Variants in PAK2 observed in about 807,000 individuals in gnomAD.
The protein encoded by PAK2 is serine/threonine-protein kinase PAK 2.
PAK2 carries 21 observed loss-of-function variants against 65.9 expected under a neutral mutation model. The observed-to-expected ratio is 0.32, with a 90% CI of 0.23 to 0.46. The LOEUF is 0.46. Ranked by LOEUF, PAK2 falls within the 20% of genes least tolerant of loss-of-function variation. The pLI is 1.00. For synonymous variants in PAK2, 204 were observed against 219.7 expected (o/e 0.93, Z 0.63); for missense variants, 324 against 642.6 (o/e 0.50, Z 5.36).
intron 13 of PAK2, among the ~76,000 whole-genome samples, chr3:196,824,094 A>G (rs1365051928): frequency 6.6e-6 from 1 of 152,202 alleles, no homozygotes; most frequent in Non-Finnish European, 1.5e-5. Flanking sequence ...GCCAGGGCAC[A>G]TGGCTCTAAG....
At chr3:196,794,463 G>A (rs1038569682) in intron 2 of PAK2, among the ~76,000 whole-genome samples, 9 of 152,186 alleles carry the variant, frequency 5.9e-5, no homozygotes, top group Admixed American at 4.6e-4. Flanking sequence ...TGCAACACCC[G>A]TTCCCCCTGT....
Position 196,745,982 on chromosome 3 carries a change from CT to C in PAK2, c.-22+5837del, listed in dbSNP as rs747502229. ...CTTTTCTATGGTTACAATATTTAAC[CT>C]TTTTTTTTTTTCTTTTTCTTTCTTT... On this transcript the variant is annotated intron_variant, in intron 1 of 14. Transcript: ENST00000327134. 4.1e-3 allele frequency among the ~76,000 whole-genome samples: 593 copies of C among 145,174 alleles called. 2 individuals carry two copies. The highest frequency in any genetic ancestry group is 0.012 in the African/African-American group (471 of 39,716).
chr3:196,756,043 C>G (rs150826038), intron 1 of PAK2, among the ~76,000 whole-genome samples: 3 of 152,122 alleles, frequency 2.0e-5, no homozygotes, highest in Non-Finnish European at 2.9e-5. Context: ...TGTGAGCCAC[C>G]GCACCCGGCC....
chr3:196,823,563 AC>A (rs1293938539), intron 13 of PAK2, among the ~76,000 whole-genome samples: 66 of 151,672 alleles, frequency 4.4e-4, no homozygotes, highest in African/African-American at 1.6e-3. Context: ...AAACAAACAA[AC>A]AAACAAAAAA....
intron 1 of PAK2, among the ~76,000 whole-genome samples, chr3:196,766,443 G>A (rs1419719339): frequency 2.0e-5 from 3 of 152,106 alleles, no homozygotes; most frequent in African/African-American, 7.2e-5. Context: ...CAGAACCAGT[G>A]CCAATTTACA....
At chr3:196,823,688 C>T (rs930966727) in intron 13 of PAK2, among the ~76,000 whole-genome samples, 1 of 151,598 alleles carries the variant, frequency 6.6e-6, no homozygotes, top group African/African-American at 2.4e-5. Flanking sequence ...ATGATGAAAC[C>T]TCGTCTCTAC....
chr3:196,761,940 C>T (rs1489170843), intron 1 of PAK2, among the ~76,000 whole-genome samples: 3,687 of 135,858 alleles, frequency 0.027, 128 homozygotes, highest in African/African-American at 0.097. Flanking sequence ...ACTTCTCAGA[C>T]GGGGCAGCTG....
At chr3:196,783,494 A>G (rs1260451941) in intron 2 of PAK2, among the ~76,000 whole-genome samples, 3 of 151,696 alleles carry the variant, frequency 2.0e-5, no homozygotes, top group Non-Finnish European at 4.4e-5. Context: ...AGGCAGGAGA[A>G]TCACTTGAAT....
At position 196,832,128 on chromosome 3, in the gene PAK2, C is replaced by G. The variant is rs1324652478; in HGVS notation, c.*3723C>G. The G allele has an allele frequency of 2.0e-5, 3 of 152,210 alleles. No homozygotes were observed. Among genetic ancestry groups the G allele is most frequent in the African/African-American group, 7.2e-5 (3 of 41,456 alleles). 9.4% of individuals were successfully genotyped at this position (152,210 alleles called of 1,614,324 possible). A position where few individuals can be genotyped will look rare whatever the true frequency, so the allele number is the denominator to read the frequency against. Reference sequence around the variant, plus strand: ...GAACCGAAGTCTTTCCCATTCACTTCTCTAGAAAGCTGCCAAGACAGAGGC... The same window carrying G: ...GAACCGAAGTCTTTCCCATTCACTTGTCTAGAAAGCTGCCAAGACAGAGGC... On this transcript the variant is annotated 3_prime_UTR_variant, in exon 15 of 15. Coordinates refer to ENST00000327134, the MANE Select transcript of PAK2 (RefSeq NM_002577.4).
intron 8 of PAK2, among the ~76,000 whole-genome samples, chr3:196,811,586 G>T (rs1281155016): frequency 6.6e-6 from 1 of 150,984 alleles, no homozygotes; most frequent in Non-Finnish European, 1.5e-5. Context: ...TGCAGCACTG[G>T]TTTTATGAAA....
At chr3:196,797,276 C>A (rs1715286695) in intron 2 of PAK2, among the ~76,000 whole-genome samples, 1 of 151,996 alleles carries the variant, frequency 6.6e-6, no homozygotes, top group Non-Finnish European at 1.5e-5. Flanking sequence ...ACCGGCCTGG[C>A]CAACATGGTG....
chr3:196,747,588 C>CT (rs1400347809), intron 1 of PAK2, among the ~76,000 whole-genome samples: 2 of 152,008 alleles, frequency 1.3e-5, no homozygotes, highest in Non-Finnish European at 2.9e-5. Flanking sequence ...TTTCTTGTGA[C>CT]TTAAAACATA....
chr3:196,811,629 A>G (rs1203673915), intron 8 of PAK2, among the ~76,000 whole-genome samples: 2 of 151,860 alleles, frequency 1.3e-5, no homozygotes, highest in African/African-American at 4.8e-5. Context: ...ATTTTTGAGC[A>G]TGAATGAACA....
chr3:196,784,292 T>A (rs1449675837), intron 2 of PAK2, among the ~76,000 whole-genome samples: 6 of 133,644 alleles, frequency 4.5e-5, no homozygotes, highest in Non-Finnish European at 6.4e-5. Flanking sequence ...TAGTTACATA[T>A]GTATACATGT....
chr3:196,817,204 G>A (rs62409459), intron 11 of PAK2, among the ~76,000 whole-genome samples: 16,795 of 120,558 alleles, frequency 0.14, 1,252 homozygotes, highest in South Asian at 0.19. Context: ...TTGCTCTGTC[G>A]CCCAGGCTGG....
At chr3:196,759,234 C>T (rs1713864058) in intron 1 of PAK2, among the ~76,000 whole-genome samples, 1 of 152,144 alleles carries the variant, frequency 6.6e-6, no homozygotes, top group Non-Finnish European at 1.5e-5. Flanking sequence ...GATGCTTCCA[C>T]TCTTCAGATT....
At chr3:196,818,184 CATTT>C (rs1711529191) in intron 12 of PAK2, 28 bp downstream of exon 12, 1 of 837,782 alleles carries the variant, frequency 1.2e-6, no homozygotes, top group Non-Finnish European at 2.0e-6. Flanking sequence ...AATTCACAAT[CATTT>C]ATTATAATTT....
At chr3:196,756,445 T>C (rs139641739) in intron 1 of PAK2, among the ~76,000 whole-genome samples, 1,634 of 152,292 alleles carry the variant, frequency 0.011, 16 homozygotes, top group Non-Finnish European at 0.017. Flanking sequence ...GCTTAACTCA[T>C]TTCAGAGTAG....
At chr3:196,787,864 C>G (rs1714946484) in intron 2 of PAK2, among the ~76,000 whole-genome samples, 1 of 152,178 alleles carries the variant, frequency 6.6e-6, no homozygotes, top group Admixed American at 6.5e-5. Flanking sequence ...GTCACTGGGG[C>G]CCAGCTTTCG....
Sources: gnomAD v4.1 joint callset for allele counts (sites outside exome capture counted in the v4.1 genomes callset) on GRCh38, gnomAD v4.1.1 for gene constraint, MANE v1.5 for transcripts, NCBI Gene and HGNC (gene_info 2026-07-23, HGNC 2026-07-21) for gene names.